The following HAT1 variants were observed in gnomAD, a reference collection of about 807,000 sequenced individuals.
The protein encoded by HAT1 is histone acetyltransferase type B catalytic subunit.
Under a neutral mutation model 56.6 loss-of-function variants are expected in HAT1, and 20 were observed. That is an observed-to-expected ratio of 0.35 (90% CI 0.25 to 0.51). HAT1 has a LOEUF of 0.51. HAT1 is among the 20% of genes least tolerant of loss of function. HAT1 has a pLI of 0.95. For missense variants in HAT1, 408 were observed against 504.3 expected (o/e 0.81, Z 1.83); for synonymous variants, 146 against 165.5 (o/e 0.88, Z 0.91).
intron 10 of HAT1, among the ~76,000 whole-genome samples, chr2:171,981,069 C>A (rs1202134660): frequency 6.6e-6 from 1 of 151,786 alleles, no homozygotes; most frequent in Non-Finnish European, 1.5e-5. Context: ...TCTCCGGAGG[C>A]TGAGGCAGGA....
chr2:171,976,609 A>AT (rs1168598852), intron 9 of HAT1, among the ~76,000 whole-genome samples: 5 of 152,174 alleles, frequency 3.3e-5, no homozygotes, highest in African/African-American at 1.2e-4. Flanking sequence ...ATAGGATCTT[A>AT]TTTTTACTCT....
chr2:171,929,898 A>T (rs184667887), intron 2 of HAT1, among the ~76,000 whole-genome samples: 9 of 152,266 alleles, frequency 5.9e-5, no homozygotes, highest in African/African-American at 1.4e-4. Context: ...TGTTTCGATT[A>T]TTCTTGACCT....
intron 10 of HAT1, chr2:171,980,254 C>G (rs1381190291): frequency 6.6e-6 from 1 of 152,074 alleles, no homozygotes; most frequent in Non-Finnish European, 1.5e-5. Flanking sequence ...TTCTTGTCTT[C>G]TCAGTTGTTA....
At chr2:171,940,162 A>G (rs1299476386) in intron 2 of HAT1, among the ~76,000 whole-genome samples, 2 of 152,204 alleles carry the variant, frequency 1.3e-5, no homozygotes, top group African/African-American at 4.8e-5. Flanking sequence ...AAAATGACCA[A>G]TTCAGTTTCC....
intron 8 of HAT1, among the ~76,000 whole-genome samples, chr2:171,970,551 C>T (rs1255124312): frequency 8.7e-6 from 1 of 115,052 alleles, no homozygotes; most frequent in Non-Finnish European, 1.7e-5. Flanking sequence ...ACGGAGTCTC[C>T]CTCTGTCCCC....
intron 8 of HAT1, among the ~76,000 whole-genome samples, chr2:171,974,133 C>T (rs1687888545): frequency 7.9e-6 from 1 of 126,928 alleles, no homozygotes; most frequent in Non-Finnish European, 1.5e-5. Context: ...GAGCCAAGAT[C>T]GTACACTGCA....
chr2:171,931,698 A>G (rs1390551864), intron 2 of HAT1, among the ~76,000 whole-genome samples: 1 of 152,196 alleles, frequency 6.6e-6, no homozygotes, highest in East Asian at 1.9e-4. Flanking sequence ...GCCATATAGT[A>G]CAGTCAGCTC....
At chr2:171,925,897 T>C (rs141386798) in intron 2 of HAT1, among the ~76,000 whole-genome samples, 137 of 152,324 alleles carry the variant, frequency 9.0e-4, no homozygotes, top group Middle Eastern at 3.4e-3. Flanking sequence ...TATATAGTTT[T>C]AGCCTCTTAA....
intron 8 of HAT1, among the ~76,000 whole-genome samples, chr2:171,974,201 GAAAAAGAA>G (rs1687902403): frequency 5.6e-4 from 47 of 83,408 alleles, no homozygotes; most frequent in Middle Eastern, 8.3e-3. Context: ...AAGAAAAAAA[GAAAAAGAA>G]AAAAAAAAAA....
chr2:171,939,144 G>A (rs770214528), intron 2 of HAT1, among the ~76,000 whole-genome samples: 3 of 152,112 alleles, frequency 2.0e-5, no homozygotes, highest in South Asian at 2.1e-4. Flanking sequence ...AATGGGTCAC[G>A]GATCCATTCC....
intron 4 of HAT1, among the ~76,000 whole-genome samples, chr2:171,961,277 C>T (rs1175082158): frequency 6.6e-6 from 1 of 152,152 alleles, no homozygotes; most frequent in Non-Finnish European, 1.5e-5. Flanking sequence ...TACATTCCAG[C>T]CTAGGTGACA....
intron 9 of HAT1, among the ~76,000 whole-genome samples, chr2:171,977,536 TATATATATATATATATATA>T (rs1271409900): frequency 2.0e-4 from 3 of 14,752 alleles, no homozygotes; most frequent in African/African-American, 7.8e-4. Context: ...TATATATATA[TATATATATATATATATATA>T]TATTTTTTTT....
At chr2:171,962,312 ACTTTC>A (rs2105332781) in intron 4 of HAT1, among the ~76,000 whole-genome samples, 1 of 152,338 alleles carries the variant, frequency 6.6e-6, no homozygotes, top group South Asian at 2.1e-4. Context: ...ATACTTTTGC[ACTTTC>A]CTTTTTAAAA....
chr2:171,966,806 A>G (rs1346413852), intron 7 of HAT1, 37 bp from the exon 8 acceptor site: 1 of 954,328 alleles, frequency 1.0e-6, no homozygotes, highest in Admixed American at 1.9e-5. Context: ...TGGTCATGTT[A>G]TGATATTTTA....
At chr2:171,949,733 G>A (rs889245940) in intron 3 of HAT1, among the ~76,000 whole-genome samples, 2 of 151,986 alleles carry the variant, frequency 1.3e-5, no homozygotes, top group African/African-American at 2.4e-5. Flanking sequence ...GACCAGGCTG[G>A]TCTTGAACTC....
chr2:171,949,702 A>T (rs1326964072), intron 3 of HAT1, among the ~76,000 whole-genome samples: 1 of 151,584 alleles, frequency 6.6e-6, no homozygotes. Flanking sequence ...TTTTTTTAAG[A>T]GATGGGGGTC....
At chr2:171,933,032 A>G (rs1261115786) in intron 2 of HAT1, among the ~76,000 whole-genome samples, 2 of 151,830 alleles carry the variant, frequency 1.3e-5, no homozygotes, top group African/African-American at 2.4e-5. Flanking sequence ...ATCTTTATAA[A>G]TTCTTTCATC....
intron 8 of HAT1, among the ~76,000 whole-genome samples, chr2:171,973,785 T>C (rs1687878587): frequency 3.3e-5 from 5 of 152,112 alleles, no homozygotes; most frequent in Admixed American, 1.3e-4. Context: ...GTTCCCCTCA[T>C]CCCCAGGGAA....
Position 171,965,365 on chromosome 2 carries a change from C to G in HAT1, c.337C>G (p.Gln113Glu). The change falls in exon 5 of 11, where the codon CAA (glutamine) becomes GAA (glutamate). Residue 113 changes from glutamine (Q) to glutamate (E), a missense_variant. Transcript: ENST00000264108. ...AGATGATGTTGAGGGCAAAATTAGA[C>G]AAATCATTCCACCTGGATTTTGCAC... Reference protein sequence around the residue: ...EADDVEGKIRQIIPPGFCTNT... With the variant: ...EADDVEGKIREIIPPGFCTNT... The G allele has an allele frequency of 6.2e-7, 1 of 1,608,166 alleles. No homozygotes were observed. The highest frequency in any genetic ancestry group is 8.5e-7 in the Non-Finnish European group (1 of 1,176,258).
Sources: gnomAD v4.1 joint callset for allele counts (sites outside exome capture counted in the v4.1 genomes callset) on GRCh38, gnomAD v4.1.1 for gene constraint, MANE v1.5 for transcripts, NCBI Gene and HGNC (gene_info 2026-07-23, HGNC 2026-07-21) for gene names.